The following TRIM9 variants were observed in gnomAD, a reference collection of about 807,000 sequenced individuals.
TRIM9 encodes tripartite motif containing 9.
TRIM9 carries 26 observed loss-of-function variants against 78.3 expected under a neutral mutation model. That is an observed-to-expected ratio of 0.33 (90% CI 0.24 to 0.46). The LOEUF is 0.46. Among genes scored for constraint, TRIM9 ranks in the 20% least tolerant of loss-of-function variants. The pLI is 1.00. For missense variants in TRIM9, 787 were observed against 1,036.4 expected, an observed-to-expected ratio of 0.76 and a Z score of 3.30; for synonymous variants, 398 against 416.5, an observed-to-expected ratio of 0.96 and a Z score of 0.54.
At chr14:51,031,467 A>G (rs930783813) in intron 1 of TRIM9, among the ~76,000 whole-genome samples, 2 of 152,174 alleles carry the variant, frequency 1.3e-5, no homozygotes, top group Non-Finnish European at 2.9e-5. Flanking sequence ...AATAAGCACA[A>G]GTTAGCACAC....
At chr14:50,983,016 T>C (rs1174164865) in intron 9 of TRIM9, 51 bp from the exon 10 acceptor site, 8 of 1,520,154 alleles carry the variant, frequency 5.3e-6, no homozygotes, top group East Asian at 4.9e-5. Context: ...GGAAGCAAAA[T>C]TGACATGGAT....
chr14:51,037,009 G>C (rs2059209563), intron 1 of TRIM9, among the ~76,000 whole-genome samples: 1 of 151,556 alleles, frequency 6.6e-6, no homozygotes, highest in Non-Finnish European at 1.5e-5. Flanking sequence ...AGTTAATTTG[G>C]ATATTTTGCT....
rs546269906 is a variant in TRIM9 at position 51,090,286 on chromosome 14, T to C, written c.822+3832A>G. On this transcript the variant is annotated intron_variant, in intron 1 of 12. Transcript: ENST00000684578. ...CTATATTGTGTTTACTGCTGACATATAGTTAACTGAATATCATTTTAGTGG... is the reference window on the plus strand; with the variant it reads ...CTATATTGTGTTTACTGCTGACATACAGTTAACTGAATATCATTTTAGTGG... Among the ~76,000 whole-genome samples, 7 of 152,340 alleles carry C rather than the reference T, an allele frequency of 4.6e-5. 1 individual carries two copies. The highest frequency in any genetic ancestry group is 1.7e-4 in the African/African-American group (7 of 41,586).
chr14:51,028,137 T>C (rs1208189791), intron 1 of TRIM9, among the ~76,000 whole-genome samples: 1 of 152,250 alleles, frequency 6.6e-6, no homozygotes, highest in South Asian at 2.1e-4. Context: ...CAGGATTTTA[T>C]ATGACAAAGC....
chr14:51,012,894 G>A (rs1051323119), intron 3 of TRIM9, among the ~76,000 whole-genome samples: 8 of 152,054 alleles, frequency 5.3e-5, no homozygotes, highest in African/African-American at 1.7e-4. Context: ...TTAAAATTGG[G>A]TGTTTTTGTT....
intron 1 of TRIM9, among the ~76,000 whole-genome samples, chr14:51,043,020 C>T (rs1007269331): frequency 1.3e-5 from 2 of 152,160 alleles, no homozygotes; most frequent in African/African-American, 4.8e-5. Context: ...AATAGCATAA[C>T]TTGCTTATAA....
chr14:51,067,381 T>C (rs1212963731), intron 1 of TRIM9, among the ~76,000 whole-genome samples: 1 of 152,198 alleles, frequency 6.6e-6, no homozygotes, highest in Non-Finnish European at 1.5e-5. Context: ...TACTAACTTC[T>C]ACTGTCGGTT....
chr14:50,977,819 CA>C (rs1409535631), intron 12 of TRIM9, among the ~76,000 whole-genome samples: 1 of 152,182 alleles, frequency 6.6e-6, no homozygotes, highest in African/African-American at 2.4e-5. Context: ...TGTGAAAAAA[CA>C]TGGCATTATA....
chr14:51,071,387 G>GAAAAAAAAAAAAAAAA (rs56726763), intron 1 of TRIM9, among the ~76,000 whole-genome samples: 2 of 115,928 alleles, frequency 1.7e-5, no homozygotes, highest in Non-Finnish European at 3.5e-5. Context: ...AAAAAAAAAA[G>GAAAAAAAAAAAAAAAA]AAAAAAAAAA....
intron 5 of TRIM9, among the ~76,000 whole-genome samples, chr14:51,007,186 A>G (rs1417117709): frequency 6.6e-6 from 1 of 152,158 alleles, no homozygotes; most frequent in Non-Finnish European, 1.5e-5. Context: ...TTTCACCAAA[A>G]GCCTTTCTAT....
intron 3 of TRIM9, among the ~76,000 whole-genome samples, chr14:51,020,636 C>T (rs946623): frequency 0.061 from 9,284 of 152,292 alleles, 423 homozygotes; most frequent in East Asian, 0.17. Context: ...GGCATCCCAG[C>T]GATGCGTGAA....
intron 1 of TRIM9, among the ~76,000 whole-genome samples, chr14:51,052,415 C>G (rs564587622): frequency 6.6e-6 from 1 of 152,284 alleles, no homozygotes; most frequent in East Asian, 1.9e-4. Context: ...AATTCCTCTT[C>G]TCCTGGGAAT....
At chr14:51,023,524 C>A (rs1165132533) in intron 2 of TRIM9, among the ~76,000 whole-genome samples, 12 of 152,274 alleles carry the variant, frequency 7.9e-5, no homozygotes, top group Middle Eastern at 3.4e-3. Flanking sequence ...ACAGGGATCA[C>A]CCTGCCATAA....
At chr14:51,091,334 T>C (rs2064300891) in intron 1 of TRIM9, 1 of 152,224 alleles carries the variant, frequency 6.6e-6, no homozygotes, top group Non-Finnish European at 1.5e-5. Flanking sequence ...GGGAAATACT[T>C]ATCTGCAGGA....
chr14:50,980,447 C>T (rs1301364322), intron 11 of TRIM9, among the ~76,000 whole-genome samples: 1 of 152,204 alleles, frequency 6.6e-6, no homozygotes, highest in Non-Finnish European at 1.5e-5. Context: ...TTTCCTCTTG[C>T]ATGCAGGATA....
chr14:51,090,501 T>C (rs945483205), intron 1 of TRIM9: 3 of 152,288 alleles, frequency 2.0e-5, no homozygotes, highest in African/African-American at 4.8e-5. Context: ...TGAGACAAGA[T>C]TAAGAATGAA....
chr14:51,025,320 G>A lies in TRIM9; in HGVS notation c.863C>T (p.Ala288Val), dbSNP rs1172165073. 2 of 1,614,150 alleles carry A rather than the reference G, an allele frequency of 1.2e-6. No homozygotes were observed. Among genetic ancestry groups the A allele is most frequent in the Admixed American group, 3.3e-5 (2 of 60,020 alleles). Residue 288 changes from alanine (A) to valine (V), a missense_variant, in exon 2 of 13, where the codon GCC (alanine) becomes GTC (valine). By Grantham distance (64) the Ala-to-Val change is moderately conservative. Transcript: ENST00000684578. ...TACCAGAAACTCCTTGGCTTCTTTG[G>A]CCCTGTCTGACAGTCCGTTCAGCGC... ...SQALNGLSDR[A>V]KEAKEFLVQL...
intron 1 of TRIM9, among the ~76,000 whole-genome samples, chr14:51,054,911 C>T (rs1463648422): frequency 1.3e-5 from 2 of 148,172 alleles, no homozygotes; most frequent in Admixed American, 1.4e-4. Flanking sequence ...CTCACTGCAA[C>T]CTCTGCCTCC....
At position 51,012,717 on chromosome 14, in the gene TRIM9, C is replaced by G. The variant is rs188686126; in HGVS notation, c.1042-2223G>C. 7.9e-5 allele frequency among the ~76,000 whole-genome samples: 12 copies of G among 152,288 alleles called. No homozygotes were observed. In the East Asian group the frequency reaches 2.3e-3, roughly 29 times the overall value. On this transcript the variant is annotated intron_variant, in intron 3 of 12. Transcript: ENST00000684578. The stretch of plus-strand genomic sequence containing the variant: ...CAATTTCTCCACATCCTCGCCCACA[C>G]TTATTATTTTCTGATTTTTAAAAAT...
Sources: allele counts gnomAD v4.1 joint callset (sites outside exome capture counted in the v4.1 genomes callset), GRCh38; gene constraint gnomAD v4.1.1; transcripts MANE v1.5; gene names NCBI Gene and HGNC (gene_info 2026-07-23, HGNC 2026-07-21).